CAST: variants seen among roughly 807,000 people sequenced by gnomAD.
The protein encoded by CAST is calpastatin.
Under a neutral mutation model 119.6 loss-of-function variants are expected in CAST, and 76 were observed. The observed-to-expected ratio is 0.64, with a 90% CI of 0.53 to 0.77. CAST has a LOEUF of 0.77. Ranked by LOEUF, CAST falls within the 30% of genes least tolerant of loss-of-function variation. CAST has a pLI of 0.00. For missense variants in CAST, 953 were observed against 946.5 expected, an observed-to-expected ratio of 1.01 and a Z score of -0.09; for synonymous variants, 319 against 331.6, an observed-to-expected ratio of 0.96 and a Z score of 0.41.
intron 1 of CAST, among the ~76,000 whole-genome samples, chr5:96,562,622 C>A (rs1324618677): frequency 6.6e-6 from 1 of 152,160 alleles, no homozygotes; most frequent in Non-Finnish European, 1.5e-5. Context: ...TCAGCACTTG[C>A]ACATCTATGA....
chr5:96,174,667 A>G, the CAST span, among the ~76,000 whole-genome samples: 1 of 152,330 alleles, frequency 6.6e-6, no homozygotes, highest in East Asian at 1.9e-4. Flanking sequence ...ATACAGTTGT[A>G]TACTCTCTCT....
the CAST span, chr5:96,434,124 G>C: frequency 2.0e-5 from 3 of 152,218 alleles, no homozygotes; most frequent in African/African-American, 7.2e-5. Context: ...CTGGAGCTGT[G>C]CCATTACTTT....
the CAST span, among the ~76,000 whole-genome samples, chr5:96,361,809 C>CT: frequency 0.26 from 17,559 of 68,598 alleles, 3,051 homozygotes; most frequent in African/African-American, 0.27. Flanking sequence ...CTCTAGTATG[C>CT]TTTTTTTTTT....
chr5:96,756,192 G>A (rs977923441), intron 22 of CAST, among the ~76,000 whole-genome samples: 2 of 152,126 alleles, frequency 1.3e-5, no homozygotes, highest in African/African-American at 4.8e-5. Flanking sequence ...TTGGCTCCCC[G>A]AGGGCAGGCC....
chr5:96,534,714 G>GGAGAGAGAGA (rs1233360638), intron 1 of CAST, among the ~76,000 whole-genome samples: 1 of 13,964 alleles, frequency 7.2e-5, no homozygotes, highest in African/African-American at 1.8e-4. Context: ...AAGGAAGGAA[G>GGAGAGAGAGA]GAGAGAGAGA....
At chr5:96,103,184 G>A in the CAST span, among the ~76,000 whole-genome samples, 1 of 152,052 alleles carries the variant, frequency 6.6e-6, no homozygotes, top group African/African-American at 2.4e-5. Flanking sequence ...TATTATCAAG[G>A]ATGGGAATTA....
At chr5:96,760,983 C>T (rs1217177572) in intron 24 of CAST, 1 of 151,778 alleles carries the variant, frequency 6.6e-6, no homozygotes, top group Non-Finnish European at 1.5e-5. Context: ...ATATGTTATA[C>T]AGTAATAATA....
At chr5:96,021,659 G>A in the CAST span, among the ~76,000 whole-genome samples, 22,659 of 152,002 alleles carry the variant, frequency 0.15, 2,019 homozygotes, top group East Asian at 0.45. Flanking sequence ...TGTTAGCCAG[G>A]ATGGTCTTTA....
At chr5:96,562,214 T>G (rs6866374) in intron 1 of CAST, among the ~76,000 whole-genome samples, 45,716 of 151,496 alleles carry the variant, frequency 0.3, 7,254 homozygotes, top group East Asian at 0.58. Flanking sequence ...CACAAATCCA[T>G]AGGGTAAAAT....
the CAST span, among the ~76,000 whole-genome samples, chr5:96,068,966 C>A: frequency 1.0e-4 from 15 of 147,650 alleles, no homozygotes; most frequent in East Asian, 2.6e-3. Flanking sequence ...AGGATGTATG[C>A]GTGTATGTAT....
At chr5:96,563,912 C>G (rs772593294) in intron 1 of CAST, among the ~76,000 whole-genome samples, 1 of 152,156 alleles carries the variant, frequency 6.6e-6, no homozygotes, top group Non-Finnish European at 1.5e-5. Flanking sequence ...ACCATTTTAG[C>G]AAGACTCAGG....
chr5:96,486,814 C>T, the CAST span, among the ~76,000 whole-genome samples: 1 of 152,144 alleles, frequency 6.6e-6, no homozygotes, highest in Admixed American at 6.5e-5. Context: ...TATCCTGATC[C>T]CCAGGTAGCC....
chr5:96,078,312 G>C, the CAST span, among the ~76,000 whole-genome samples: 1 of 152,002 alleles, frequency 6.6e-6, no homozygotes, highest in African/African-American at 2.4e-5. Flanking sequence ...GGCCACTTCA[G>C]TCTACCCAAG....
intron 1 of CAST, among the ~76,000 whole-genome samples, chr5:96,650,728 T>TTGTGTGTGTG (rs34230121): frequency 0.018 from 2,543 of 142,096 alleles, 83 homozygotes; most frequent in Admixed American, 0.079. Context: ...ACCCACTTAA[T>TTGTGTGTGTG]TGTGTGTGTG....
the CAST span, among the ~76,000 whole-genome samples, chr5:96,292,579 C>T: frequency 6.6e-6 from 1 of 152,116 alleles, no homozygotes; most frequent in African/African-American, 2.4e-5. Context: ...TATTCACCTA[C>T]TAAATAATGG....
At chr5:96,325,929 A>C in the CAST span, among the ~76,000 whole-genome samples, 76 of 152,330 alleles carry the variant, frequency 5.0e-4, 1 homozygote, top group Middle Eastern at 3.4e-3. Flanking sequence ...CACATGATAC[A>C]TTAAGTCTCT....
At chr5:95,997,974 T>TG in the CAST span, among the ~76,000 whole-genome samples, 14 of 147,786 alleles carry the variant, frequency 9.5e-5, no homozygotes, top group African/African-American at 3.5e-4. Context: ...TTTTTTTTTT[T>TG]TTTTTTTTTT....
the CAST span, among the ~76,000 whole-genome samples, chr5:96,151,362 G>A: frequency 3.3e-5 from 5 of 152,220 alleles, no homozygotes; most frequent in African/African-American, 4.8e-5. Flanking sequence ...GACACCAGGT[G>A]AGGTAGTGTG....
chr5:96,746,832 C>G (rs1581243277), intron 17 of CAST, among the ~76,000 whole-genome samples: 2 of 152,274 alleles, frequency 1.3e-5, no homozygotes, highest in East Asian at 1.9e-4. Context: ...GGTTTTGTTG[C>G]TGTTGTTTTT....
Sources: gnomAD v4.1 joint callset for allele counts (sites outside exome capture counted in the v4.1 genomes callset) on GRCh38, gnomAD v4.1.1 for gene constraint, MANE v1.5 for transcripts, NCBI Gene and HGNC (gene_info 2026-07-23, HGNC 2026-07-21) for gene names.